Variants in SRCAP observed in about 807,000 individuals in gnomAD.
The protein encoded by SRCAP is chromatin remodeling protein SRCAP.
A neutral mutation model predicts 263.1 loss-of-function variants in SRCAP; 46 were observed. The ratio of observed to expected loss-of-function variants is 0.17; its 90% CI spans 0.14 to 0.22. The LOEUF (loss-of-function observed/expected upper bound fraction) is 0.22. Among genes scored for constraint, SRCAP ranks in the 10% least tolerant of loss-of-function variants. SRCAP has a pLI of 1.00. For missense variants in SRCAP, 3,695 were observed against 4,181.9 expected, an observed-to-expected ratio of 0.88 and a Z score of 3.21; for synonymous variants, 1,813 against 1,662.1, an observed-to-expected ratio of 1.09 and a Z score of -2.21.
At chr16:30,728,906 T>C in intron 25 of SRCAP, 60 bp from the exon 26 acceptor site, 1 of 1,522,826 alleles carries the variant, frequency 6.6e-7, no homozygotes, top group Non-Finnish European at 8.8e-7. Context: ...GGAAGAACAG[T>C]CAGGTTTTGA....
chr16:30,715,171 C>G (rs2052934484), intron 16 of SRCAP, among the ~76,000 whole-genome samples: 1 of 152,236 alleles, frequency 6.6e-6, no homozygotes, highest in Non-Finnish European at 1.5e-5. Flanking sequence ...GAGAGTTCCT[C>G]TTGAACTCAA....
Position 30,724,440 on chromosome 16 carries a change from C to G in SRCAP, c.5016C>G (p.Leu1672=). The G allele has an allele frequency of 6.2e-7, 1 of 1,614,248 alleles. No individual in the cohort carries two copies. The highest frequency in any genetic ancestry group is 8.5e-7 in the Non-Finnish European group (1 of 1,180,048). Residue 1672 remains leucine, a synonymous_variant, in exon 25 of 34, where the codon CTC becomes CTG. Coordinates refer to ENST00000262518, the MANE Select transcript of SRCAP (RefSeq NM_006662.3). ...TMLPAPVPSP[L]PSPASTQTLA... ...TACCAGCCCCGGTTCCGTCACCTCT[C>G]CCGAGCCCGGCTTCTACGCAGACAC...
chr16:30,724,438 C>T lies in SRCAP; in HGVS notation c.5014C>T (p.Leu1672Phe). ...TMLPAPVPSPLPSPASTQTLA... is the reference protein window; with the variant it reads ...TMLPAPVPSPFPSPASTQTLA... The stretch of plus-strand genomic sequence containing the variant: ...GCTACCAGCCCCGGTTCCGTCACCT[C>T]TCCCGAGCCCGGCTTCTACGCAGAC... The change falls in exon 25 of 34, where the codon CTC becomes TTC. Residue 1672 changes from leucine (L) to phenylalanine (F), a missense_variant. By Grantham distance (22) the Leu-to-Phe change is conservative. Around this residue, in one of 12 missense-constraint regions of SRCAP, gnomAD observed 1,347 missense variants for 1,304.4 expected, o/e 1.03. Transcript: ENST00000262518. The T allele has an allele frequency of 2.5e-6, 4 of 1,614,250 alleles. No individual in the cohort carries two copies. The highest frequency in any genetic ancestry group is 3.4e-6 in the Non-Finnish European group (4 of 1,180,044).
Position 30,720,820 on chromosome 16 carries a change from T to G in SRCAP, c.3095T>G (p.Leu1032Arg). The change falls in exon 20 of 34, where the codon CTC becomes CGC. Residue 1032 changes from leucine (L) to arginine (R), a missense_variant. Physicochemically the swap from Leu to Arg is moderately radical, Grantham distance 102. Coordinates refer to ENST00000262518, the MANE Select transcript of SRCAP (RefSeq NM_006662.3). The part of the protein sequence containing the change: ...VPVRPPPGPE[L>R]SAQPTPGPVP... ...GTTCGACCTCCTCCAGGTCCTGAGC[T>G]CTCAGCCCAGCCCACCCCTGGCCCA... 4.3e-6 allele frequency: 7 copies of G among 1,613,962 alleles called. No homozygotes were observed. The highest frequency in any genetic ancestry group is 5.9e-6 in the Non-Finnish European group (7 of 1,179,980).
At chr16:30,729,269 G>C (rs1196330125) in intron 26 of SRCAP, 38 bp downstream of exon 26, 1 of 1,596,470 alleles carries the variant, frequency 6.3e-7, no homozygotes, top group Admixed American at 1.7e-5. Flanking sequence ...GTGGGTCTTG[G>C]GGCCTCAGAG....
chr16:30,710,270 G>C, intron 8 of SRCAP, 142 bp downstream of exon 8: 1 of 913,716 alleles, frequency 1.1e-6, no homozygotes, highest in South Asian at 1.8e-5. Context: ...GGGATGACTG[G>C]GGAAGAATCT....
At chr16:30,717,239 G>A (rs1012020448) in intron 18 of SRCAP, among the ~76,000 whole-genome samples, 1 of 151,832 alleles carries the variant, frequency 6.6e-6, no homozygotes, top group African/African-American at 2.4e-5. Context: ...TGTGCTCATT[G>A]GCCACTTGTC....
chr16:30,718,806 A>AT (rs1459965861), intron 18 of SRCAP, among the ~76,000 whole-genome samples: 2 of 151,364 alleles, frequency 1.3e-5, no homozygotes, highest in Non-Finnish European at 2.9e-5. Flanking sequence ...CAATTTATCA[A>AT]TTTTTTTCTT....
chr16:30,712,902 C>T (rs2052906857), intron 14 of SRCAP, 87 bp downstream of exon 14: 5 of 1,484,468 alleles, frequency 3.4e-6, no homozygotes, highest in Non-Finnish European at 4.5e-6. Flanking sequence ...TTTCTCTCCT[C>T]TTTCTTTTTT....
chr16:30,702,617 CTCCT>C (rs1248765331), intron 3 of SRCAP, among the ~76,000 whole-genome samples: 70 of 134,422 alleles, frequency 5.2e-4, no homozygotes, highest in Middle Eastern at 4.2e-3. Context: ...CCCTCCCTCC[CTCCT>C]TCCTTCCTTC....
chr16:30,716,146 C>T lies in SRCAP; in HGVS notation c.2574C>T (p.Arg858=), dbSNP rs199816002. The T allele has an allele frequency of 4.5e-5, 73 of 1,614,100 alleles. No homozygotes were observed. The highest frequency in any genetic ancestry group is 6.8e-6 in the Non-Finnish European group (8 of 1,180,052). ...QMPKKYEHVI[R]CRLSKRQRCL... ...CCAAAAAGTACGAGCATGTTATCCG[C>T]TGCAGGCTCTCCAAGCGTCAACGCT... Residue 858 remains arginine, a synonymous_variant, in exon 17 of 34, where the codon CGC becomes CGT. Transcript: ENST00000262518.
intron 30 of SRCAP, chr16:30,734,225 C>T (rs752400532): frequency 1.6e-6 from 1 of 624,900 alleles, no homozygotes. Context: ...CGCCTGTAAT[C>T]CCAGCTGCTT....
chr16:30,738,326 A>G lies in SRCAP; in HGVS notation c.8286A>G (p.Glu2762=). The G allele has an allele frequency of 6.3e-7, 1 of 1,585,742 alleles. No homozygotes were observed. Among genetic ancestry groups the G allele is most frequent in the African/African-American group, 1.3e-5 (1 of 74,150 alleles). ...GRLVTVVEEK[E]LVRRRRQQRG... ...TGGTAACTGTGGTAGAGGAAAAGGAACTGGTGCGGCGGCGGCGGCAGCAGC... is the reference window on the plus strand; with the variant it reads ...TGGTAACTGTGGTAGAGGAAAAGGAGCTGGTGCGGCGGCGGCGGCAGCAGC... Residue 2762 remains glutamate (E), a synonymous_variant, in exon 34 of 34, where the codon GAA becomes GAG. Transcript: ENST00000262518.
chr16:30,729,449 C>G lies in SRCAP; in HGVS notation c.6004C>G (p.Arg2002Gly), dbSNP rs768710823. The G allele has an allele frequency of 6.2e-7, 1 of 1,614,220 alleles. No individual in the cohort carries two copies. The highest frequency in any genetic ancestry group is 8.5e-7 in the Non-Finnish European group (1 of 1,180,042). ...CCACCCACCTCCTTGGCTGGCCCCA[C>G]GTCAGGCAGCCTTCCAGGAGCAATT... ...ACHPPPWLAP[R>G]QAAFQEQLAS... is the part of the protein sequence containing the mutation. The change falls in exon 27 of 34, where the codon CGT becomes GGT. Residue 2002 changes from arginine (R) to glycine (G), a missense_variant. Coordinates refer to ENST00000262518, the MANE Select transcript of SRCAP (RefSeq NM_006662.3).
chr16:30,733,836 C>T lies in SRCAP; in HGVS notation c.6494+38C>T, dbSNP rs1567251952. Reference sequence around the variant, plus strand: ...CTTCCCTCACCTTACTTTCCGTTTACTGATGGGGTTTCCTGGATATATTTG... The same window carrying T: ...CTTCCCTCACCTTACTTTCCGTTTATTGATGGGGTTTCCTGGATATATTTG... On this transcript the variant is annotated intron_variant, in intron 29 of 33. Transcript: ENST00000262518. This position sits in a 1 kb window ranked among gnomAD's most constrained non-coding sequence, Gnocchi z 5.3. 2.5e-6 allele frequency: 4 copies of T among 1,611,658 alleles called. No individual in the cohort carries two copies. In the South Asian group the frequency reaches 3.3e-5, roughly 13 times the overall value.
At chr16:30,717,511 A>G (rs771628094) in intron 18 of SRCAP, among the ~76,000 whole-genome samples, 1 of 149,390 alleles carries the variant, frequency 6.7e-6, no homozygotes, top group Non-Finnish European at 1.5e-5. Flanking sequence ...CAGTGGTATG[A>G]TCATAGCTTA....
chr16:30,723,745 A>T lies in SRCAP; in HGVS notation c.4321A>T (p.Ile1441Phe). 1 of 1,612,934 alleles carries T rather than the reference A, an allele frequency of 6.2e-7. No individual in the cohort carries two copies. Among genetic ancestry groups the T allele is most frequent in the Non-Finnish European group, 8.5e-7 (1 of 1,179,742 alleles). ...AGTTCCATTGTCATCTTCACTCCCC[A>T]TCTCTGTCCCCACCACACTTCCTGC... ...VSVPLSSSLP[I>F]SVPTTLPAPA... The change falls in exon 25 of 34, where the codon ATC (isoleucine) becomes TTC (phenylalanine). Residue 1441 changes from isoleucine to phenylalanine, a missense_variant. Around this residue, in one of 12 missense-constraint regions of SRCAP, gnomAD observed 1,347 missense variants for 1,304.4 expected, o/e 1.03. Transcript: ENST00000262518.
intron 16 of SRCAP, among the ~76,000 whole-genome samples, 200 bp from the exon 17 acceptor site, chr16:30,715,866 T>C (rs2052943579): frequency 6.6e-6 from 1 of 152,210 alleles, no homozygotes; most frequent in Non-Finnish European, 1.5e-5. Flanking sequence ...CTTATATCAC[T>C]TCCTGTGTCA....
At chr16:30,735,567 C>CTTT (rs10663863) in intron 31 of SRCAP, among the ~76,000 whole-genome samples, 25,444 of 69,380 alleles carry the variant, frequency 0.37, 3,758 homozygotes, top group South Asian at 0.64. Flanking sequence ...TTTGACATTA[C>CTTT]TTTTTTTTTT....
Sources: gnomAD v4.1 joint callset for allele counts (sites outside exome capture counted in the v4.1 genomes callset) on GRCh38, gnomAD v4.1.1 for gene constraint, gnomAD v4.1.1 regional missense constraint, Gnocchi (gnomAD v3.1) non-coding constraint, MANE v1.5 for transcripts, NCBI Gene and HGNC (gene_info 2026-07-23, HGNC 2026-07-21) for gene names.